Variants in PRKCE observed in about 807,000 individuals in gnomAD.
PRKCE encodes the protein protein kinase C epsilon type.
PRKCE carries 16 observed loss-of-function variants against 85.4 expected under a neutral mutation model. The observed-to-expected ratio is 0.19, with a 90% CI of 0.13 to 0.28. The LOEUF is 0.28. Among genes scored for constraint, PRKCE ranks in the 10% least tolerant of loss-of-function variants. PRKCE has a pLI of 1.00. For missense variants in PRKCE, 573 were observed against 975.2 expected (o/e 0.59, Z 5.49); for synonymous variants, 388 against 371.5 (o/e 1.04, Z -0.51).
chr2:45,747,524 A>G (rs944526694), intron 1 of PRKCE, among the ~76,000 whole-genome samples: 1 of 152,188 alleles, frequency 6.6e-6, no homozygotes, highest in Non-Finnish European at 1.5e-5. Context: ...TCTGTGTTGT[A>G]GCATATGTCA....
intron 1 of PRKCE, among the ~76,000 whole-genome samples, chr2:45,708,319 T>A (rs1679298223): frequency 6.6e-6 from 1 of 152,202 alleles, no homozygotes; most frequent in Non-Finnish European, 1.5e-5. Flanking sequence ...ACACCTCTCA[T>A]TCCCTTATGA....
chr2:45,706,357 A>G (rs139522158), intron 1 of PRKCE, among the ~76,000 whole-genome samples: 1 of 152,272 alleles, frequency 6.6e-6, no homozygotes, highest in African/African-American at 2.4e-5. Flanking sequence ...GTAATGAGAA[A>G]ATGAGGCTCT....
At chr2:45,975,029 A>G (rs913126718) in intron 2 of PRKCE, among the ~76,000 whole-genome samples, 1 of 152,166 alleles carries the variant, frequency 6.6e-6, no homozygotes, top group African/African-American at 2.4e-5. Flanking sequence ...CGTCCTTCAG[A>G]GCAGCGTGTG....
intron 2 of PRKCE, among the ~76,000 whole-genome samples, chr2:45,883,428 G>A (rs1695025847): frequency 6.6e-6 from 1 of 152,188 alleles, no homozygotes. Flanking sequence ...AGTGTCTAAT[G>A]GCCTTCGGGA....
intron 1 of PRKCE, among the ~76,000 whole-genome samples, chr2:45,693,711 G>A (rs561401307): frequency 6.6e-6 from 1 of 152,314 alleles, no homozygotes; most frequent in South Asian, 2.1e-4. Flanking sequence ...AGAGGTTAAG[G>A]AGAGGTAGAA....
chr2:45,836,741 C>G (rs1053476278), intron 1 of PRKCE, among the ~76,000 whole-genome samples: 5 of 152,176 alleles, frequency 3.3e-5, no homozygotes, highest in African/African-American at 1.2e-4. Flanking sequence ...CACTCTCCAC[C>G]CTCCTCCAAG....
At chr2:45,823,407 T>G (rs147717534) in intron 1 of PRKCE, among the ~76,000 whole-genome samples, 292 of 152,340 alleles carry the variant, frequency 1.9e-3, no homozygotes, top group African/African-American at 6.9e-3. Context: ...GACAGGCTAT[T>G]GAAACTTTTG....
At chr2:45,859,556 G>A (rs1372576637) in intron 2 of PRKCE, among the ~76,000 whole-genome samples, 2 of 152,104 alleles carry the variant, frequency 1.3e-5, no homozygotes, top group South Asian at 2.1e-4. Flanking sequence ...ATATTTATCT[G>A]ATTATTCGTG....
intron 12 of PRKCE, among the ~76,000 whole-genome samples, chr2:46,147,995 T>C (rs1676252904): frequency 1.3e-5 from 2 of 152,238 alleles, no homozygotes; most frequent in African/African-American, 4.8e-5. Context: ...ATGGAAATGC[T>C]TGAGAAAGCA....
At chr2:46,102,979 C>T (rs1027531694) in intron 11 of PRKCE, among the ~76,000 whole-genome samples, 1 of 152,220 alleles carries the variant, frequency 6.6e-6, no homozygotes, top group African/African-American at 2.4e-5. Flanking sequence ...ATAAAGCCCA[C>T]ACTTGAGGAG....
intron 12 of PRKCE, among the ~76,000 whole-genome samples, chr2:46,146,867 T>C (rs2104498895): frequency 6.6e-6 from 1 of 152,324 alleles, no homozygotes; most frequent in South Asian, 2.1e-4. Flanking sequence ...CTGGTGCTCA[T>C]AGTAATGAAT....
At chr2:45,698,185 T>C (rs1026736821) in intron 1 of PRKCE, among the ~76,000 whole-genome samples, 1 of 152,230 alleles carries the variant, frequency 6.6e-6, no homozygotes, top group Non-Finnish European at 1.5e-5. Context: ...TCTGGAAAAG[T>C]GGTTAGCATA....
intron 10 of PRKCE, among the ~76,000 whole-genome samples, chr2:46,062,252 G>C (rs535422490): frequency 8.6e-4 from 131 of 152,292 alleles, no homozygotes; most frequent in African/African-American, 3.2e-3. Flanking sequence ...CGATAGACAT[G>C]TCCCCTACTC....
At chr2:45,820,202 C>A (rs1286951456) in intron 1 of PRKCE, among the ~76,000 whole-genome samples, 1 of 152,124 alleles carries the variant, frequency 6.6e-6, no homozygotes, top group African/African-American at 2.4e-5. Flanking sequence ...TTATTAAGCA[C>A]CTTTTAAGTG....
intron 10 of PRKCE, among the ~76,000 whole-genome samples, chr2:46,063,324 T>A (rs1667326192): frequency 2.0e-5 from 3 of 151,362 alleles, no homozygotes; most frequent in Non-Finnish European, 4.4e-5. Flanking sequence ...TATACTTTTA[T>A]GTGTAAGAGC....
intron 10 of PRKCE, among the ~76,000 whole-genome samples, chr2:46,053,576 A>G (rs1708987551): frequency 1.3e-5 from 2 of 152,270 alleles, no homozygotes; most frequent in South Asian, 2.1e-4. Context: ...CATTCTAGGT[A>G]CCTCATGTGA....
intron 2 of PRKCE, among the ~76,000 whole-genome samples, chr2:45,873,198 A>C (rs1694226316): frequency 6.6e-6 from 1 of 152,202 alleles, no homozygotes; most frequent in African/African-American, 2.4e-5. Flanking sequence ...CCTGGAGTGA[A>C]GCTTAAGACA....
At chr2:46,160,167 A>G (rs1414315862) in intron 14 of PRKCE, 4 of 195,712 alleles carry the variant, frequency 2.0e-5, no homozygotes, top group Non-Finnish European at 4.1e-5. Flanking sequence ...CATTCCGTGG[A>G]ACTAGCACAG....
chr2:45,689,827 C>A (rs1207869910), intron 1 of PRKCE, among the ~76,000 whole-genome samples: 1 of 147,490 alleles, frequency 6.8e-6, no homozygotes, highest in Admixed American at 6.9e-5. Context: ...ACCTGGGAGG[C>A]AGAGGTTGCA....
Sources: allele counts gnomAD v4.1 joint callset (sites outside exome capture counted in the v4.1 genomes callset), GRCh38; gene constraint gnomAD v4.1.1; transcripts MANE v1.5; gene names NCBI Gene and HGNC (gene_info 2026-07-23, HGNC 2026-07-21).